TMEM106B: variants seen among roughly 807,000 people sequenced by gnomAD.
The protein encoded by TMEM106B is transmembrane protein 106B.
In TMEM106B, 15 loss-of-function variants were observed where a neutral mutation model predicts 31.1. That is an observed-to-expected ratio of 0.48 (90% CI 0.32 to 0.74). TMEM106B has a LOEUF of 0.74. Ranked by LOEUF, TMEM106B falls within the 30% of genes least tolerant of loss-of-function variation. The probability of loss-of-function intolerance (pLI) is 0.03; values close to 1 mark genes in which losing one functional copy is unlikely to be tolerated. For synonymous variants in TMEM106B, 126 were observed against 112.5 expected (o/e 1.12, Z -0.76); for missense variants, 283 against 327.3 (o/e 0.86, Z 1.04).
chr7:12,224,286 T>A lies in TMEM106B; in HGVS notation c.342T>A (p.Phe114Leu). ...VCLLLSGLAV[F>L]FLFPRSIDVK... ...TACTCCTTTCTGGATTGGCTGTGTT[T>A]TTCCTTTTCCCTCGCTCTATCGACG... The change falls in exon 4 of 8, where the codon TTT (phenylalanine) becomes TTA (leucine). Residue 114 changes from phenylalanine (F) to leucine (L), a missense_variant. Physicochemically the swap from Phe to Leu is conservative, Grantham distance 22. Coordinates refer to ENST00000396668, the MANE Select transcript of TMEM106B (RefSeq NM_001134232.2). 1 of 1,614,108 alleles carries A rather than the reference T, an allele frequency of 6.2e-7. No homozygotes were observed. Among genetic ancestry groups the A allele is most frequent in the African/African-American group, 1.3e-5 (1 of 75,066 alleles).
intron 1 of TMEM106B, 95 bp from the exon 2 acceptor site, chr7:12,214,714 T>G: frequency 9.3e-7 from 1 of 1,073,114 alleles, no homozygotes; most frequent in Non-Finnish European, 1.3e-6. Context: ...GACTGTTCCT[T>G]GACTGTTCTA....
At position 12,236,042 on chromosome 7, in the gene TMEM106B, GACTGTTA is replaced by G. The variant is rs1198538824; in HGVS notation, c.*4069_*4075del. ...CATGTTTGAGATGGTGGAGTAAAAA[GACTGTTA>G]AACATTTCTTTTAAAAAATTATTTT... On this transcript the variant is annotated 3_prime_UTR_variant, in exon 8 of 8. Coordinates refer to ENST00000396668, the MANE Select transcript of TMEM106B (RefSeq NM_001134232.2). 2.0e-5 allele frequency: 3 copies of G among 151,764 alleles called. No homozygotes were observed. Among genetic ancestry groups the G allele is most frequent in the African/African-American group, 4.8e-5 (2 of 41,372 alleles). The allele number at this position is 151,764 out of a possible 1,614,324, so 9.4% of individuals were successfully genotyped here. A position where few individuals can be genotyped will look rare whatever the true frequency, so the allele number is the denominator to read the frequency against.
intron 6 of TMEM106B, chr7:12,230,813 G>A (rs1481492776): frequency 1.2e-5 from 4 of 346,866 alleles, no homozygotes; most frequent in Non-Finnish European, 2.1e-5. Context: ...TTCAGAAGAT[G>A]AGCAAAATAT....
At position 12,238,340 on chromosome 7, in the gene TMEM106B, T is replaced by C. The variant is rs1314760451; in HGVS notation, c.*6365T>C. ...ATCTACAGACTCCATTGCTAAATTT[T>C]AGTTCTCTTGCTATTTCCACATCTG... is the stretch of plus-strand genomic sequence containing the variant. On this transcript the variant is annotated 3_prime_UTR_variant, in exon 8 of 8. Coordinates refer to ENST00000396668, the MANE Select transcript of TMEM106B (RefSeq NM_001134232.2). The C allele has an allele frequency of 1.3e-5, 2 of 152,316 alleles. No homozygotes were observed. The highest frequency in any genetic ancestry group is 4.8e-5 in the African/African-American group (2 of 41,462). The allele number at this position is 152,316 out of a possible 1,614,324, so 9.4% of individuals were successfully genotyped here.
chr7:12,225,811 G>C (rs376923279), intron 4 of TMEM106B, among the ~76,000 whole-genome samples: 1 of 152,268 alleles, frequency 6.6e-6, no homozygotes, highest in South Asian at 2.1e-4. Context: ...TAGGTTGCCT[G>C]TTCCCTCTGA....
Position 12,242,038 on chromosome 7 carries a change from GTCT to G in TMEM106B, c.*10068_*10070del, listed in dbSNP as rs1198283956. 1.3e-5 allele frequency: 2 copies of G among 151,988 alleles called. No individual in the cohort carries two copies. Among genetic ancestry groups the G allele is most frequent in the Admixed American group, 1.3e-4 (2 of 15,242 alleles). 9.4% of individuals were successfully genotyped at this position (151,988 alleles called of 1,614,324 possible). On this transcript the variant is annotated 3_prime_UTR_variant, in exon 8 of 8. Coordinates refer to ENST00000396668, the MANE Select transcript of TMEM106B (RefSeq NM_001134232.2). ...TTTCATGTTTGTTGGCTGCATAAAT[GTCT>G]TCTTTTGAGAAGTGTAAGGTACTTA...
In TMEM106B at chr7:12,224,389, A is replaced by T; in HGVS notation, c.441+4A>T. On this transcript the variant is annotated splice_donor_region_variant and intron_variant, in intron 4 of 7. Transcript: ENST00000396668. ...TACAATTTATTTAAATATCACAGTGAGTATAAATTTATATGAAAAATGTTT... is the reference window on the plus strand; with the variant it reads ...TACAATTTATTTAAATATCACAGTGTGTATAAATTTATATGAAAAATGTTT... 1 of 1,596,164 alleles carries T rather than the reference A, an allele frequency of 6.3e-7. No individual in the cohort carries two copies. Among genetic ancestry groups the T allele is most frequent in the Non-Finnish European group, 8.6e-7 (1 of 1,165,912 alleles).
intron 1 of TMEM106B, chr7:12,214,452 A>G (rs540174934): frequency 5.5e-6 from 1 of 181,574 alleles, no homozygotes; most frequent in South Asian, 1.4e-4. Flanking sequence ...CCACCTATGC[A>G]CCTATGACCT....
chr7:12,213,733 T>C (rs1781627503), intron 1 of TMEM106B, among the ~76,000 whole-genome samples: 1 of 152,198 alleles, frequency 6.6e-6, no homozygotes, highest in Admixed American at 6.5e-5. Flanking sequence ...GACATTATTT[T>C]GATTGGATAT....
intron 4 of TMEM106B, among the ~76,000 whole-genome samples, chr7:12,228,400 G>A (rs1415994249): frequency 6.6e-6 from 1 of 151,534 alleles, no homozygotes; most frequent in Non-Finnish European, 1.5e-5. Flanking sequence ...TTATTTATGT[G>A]CATCTTGGTT....
chr7:12,226,908 C>G (rs1781912599), intron 4 of TMEM106B, among the ~76,000 whole-genome samples: 1 of 133,738 alleles, frequency 7.5e-6, no homozygotes. Flanking sequence ...AACATATTTT[C>G]TTTTTTATAC....
At chr7:12,218,571 T>C (rs1434978471) in intron 3 of TMEM106B, 50 bp downstream of exon 3, 3 of 1,502,582 alleles carry the variant, frequency 2.0e-6, no homozygotes, top group Non-Finnish European at 2.7e-6. Context: ...TTTTTGTTTT[T>C]TGTATTTTTT....
rs891135020 is a variant in TMEM106B at position 12,234,749 on chromosome 7, A to G, written c.*2774A>G. 6.6e-6 allele frequency: 1 copy of G among 151,512 alleles called. No homozygotes were observed. The highest frequency in any genetic ancestry group is 1.5e-5 in the Non-Finnish European group (1 of 67,754). 9.4% of individuals were successfully genotyped at this position (151,512 alleles called of 1,614,324 possible). On this transcript the variant is annotated 3_prime_UTR_variant, in exon 8 of 8. Coordinates refer to ENST00000396668, the MANE Select transcript of TMEM106B (RefSeq NM_001134232.2). The stretch of plus-strand genomic sequence containing the variant: ...ACTGGTCATTCTAATAAAATCCAGT[A>G]CTATAACAAACCTCTGTATGTTGAT...
rs577886783 is a variant in TMEM106B, at chr7:12,211,807, G to T, written c.-3+382G>T. On this transcript the variant is annotated intron_variant, in intron 1 of 7. Coordinates refer to ENST00000396668, the MANE Select transcript of TMEM106B (RefSeq NM_001134232.2). Reference sequence around the variant, plus strand: ...CTTTTCAAAGGCGCTTGTTTCCTTAGTTCTCAAGCCCTTTTAGAACTAAAA... The same window carrying T: ...CTTTTCAAAGGCGCTTGTTTCCTTATTTCTCAAGCCCTTTTAGAACTAAAA... Among the ~76,000 whole-genome samples the T allele has an allele frequency of 2.0e-5, 3 of 152,306 alleles. No individual in the cohort carries two copies. The East Asian group carries it at 5.8e-4, about 29-fold the overall frequency.
At chr7:12,222,848 A>T (rs1168304708) in intron 3 of TMEM106B, among the ~76,000 whole-genome samples, 1 of 152,234 alleles carries the variant, frequency 6.6e-6, no homozygotes, top group Non-Finnish European at 1.5e-5. Context: ...TAAAACACTA[A>T]GAAATATTTA....
Position 12,231,851 on chromosome 7 carries a change from C to T in TMEM106B, c.701C>T (p.Thr234Ile), listed in dbSNP as rs1310524318. Residue 234 changes from threonine to isoleucine, a missense_variant, in exon 8 of 8, where the codon ACA (threonine) becomes ATA (isoleucine). Thr to Ile is a moderately conservative substitution (Grantham distance 89). Coordinates refer to ENST00000396668, the MANE Select transcript of TMEM106B (RefSeq NM_001134232.2). ...ATTATTTTTAGAGTTACTGTGACAACAACATACTTTGGCCACTCTGAACAG... is the reference window on the plus strand; with the variant it reads ...ATTATTTTTAGAGTTACTGTGACAATAACATACTTTGGCCACTCTGAACAG... ...IVLMMQVTVT[T>I]TYFGHSEQIS... is the part of the protein sequence containing the mutation. The T allele has an allele frequency of 2.5e-6, 4 of 1,600,484 alleles. No individual in the cohort carries two copies. The highest frequency in any genetic ancestry group is 1.7e-5 in the Admixed American group (1 of 59,612).
At chr7:12,227,955 G>A (rs1781934523) in intron 4 of TMEM106B, among the ~76,000 whole-genome samples, 1 of 151,758 alleles carries the variant, frequency 6.6e-6, no homozygotes, top group Non-Finnish European at 1.5e-5. Flanking sequence ...ACATGTACCA[G>A]CATAATTTTG....
At position 12,230,434 on chromosome 7, in the gene TMEM106B, A is replaced by G. The variant is rs765061839; in HGVS notation, c.628A>G (p.Met210Val). The G allele has an allele frequency of 6.3e-7, 1 of 1,583,362 alleles. No homozygotes were observed. Among genetic ancestry groups the G allele is most frequent in the South Asian group, 1.1e-5 (1 of 88,482 alleles). Residue 210 changes from methionine (M) to valine (V), a missense_variant, in exon 6 of 8, where the codon ATG becomes GTG. This residue lies in a region of TMEM106B where 201 missense variants were observed against 211.5 expected (regional missense o/e 0.95). Transcript: ENST00000396668. ...PTVIAEEMSYMYDFCTLISIK... is the reference protein window; with the variant it reads ...PTVIAEEMSYVYDFCTLISIK... The stretch of plus-strand genomic sequence containing the variant: ...CGTTATAGCAGAGGAAATGAGTTAT[A>G]TGTAGTAAGTTCTGATTTATAATAA...
chr7:12,232,743 A>G lies in TMEM106B; in HGVS notation c.*768A>G, dbSNP rs1472656995. On this transcript the variant is annotated 3_prime_UTR_variant, in exon 8 of 8. Coordinates refer to ENST00000396668, the MANE Select transcript of TMEM106B (RefSeq NM_001134232.2). Reference sequence around the variant, plus strand: ...CATGGCTTTTATACAGCTTTAGTAAATGTCAAATAAAGTGGTACAGACTCA... The same window carrying G: ...CATGGCTTTTATACAGCTTTAGTAAGTGTCAAATAAAGTGGTACAGACTCA... 6.6e-6 allele frequency: 1 copy of G among 152,302 alleles called. No homozygotes were observed. Among genetic ancestry groups the G allele is most frequent in the Non-Finnish European group, 1.5e-5 (1 of 67,784 alleles). 9.4% of individuals were successfully genotyped at this position (152,302 alleles called of 1,614,324 possible). A position where few individuals can be genotyped will look rare whatever the true frequency, so the allele number is the denominator to read the frequency against.
Sources: allele counts gnomAD v4.1 joint callset (sites outside exome capture counted in the v4.1 genomes callset), GRCh38; gene constraint gnomAD v4.1.1; regional missense constraint gnomAD v4.1.1; transcripts MANE v1.5; gene names NCBI Gene and HGNC (gene_info 2026-07-23, HGNC 2026-07-21).